The following KCNN3 variants were observed in gnomAD, a reference collection of about 807,000 sequenced individuals.
KCNN3 encodes small conductance calcium-activated potassium channel protein 3.
KCNN3 carries 16 observed loss-of-function variants against 62.9 expected under a neutral mutation model. That is an observed-to-expected ratio of 0.25 (90% CI 0.17 to 0.39). The LOEUF is 0.39. Ranked by LOEUF, KCNN3 falls within the 10% of genes least tolerant of loss-of-function variation. The pLI is 1.00. For synonymous variants in KCNN3, 370 were observed against 389.2 expected, an observed-to-expected ratio of 0.95 and a Z score of 0.58; for missense variants, 599 against 949.4, an observed-to-expected ratio of 0.63 and a Z score of 4.85.
At chr1:154,834,465 G>C (rs1206686171) in intron 1 of KCNN3, among the ~76,000 whole-genome samples, 2 of 152,326 alleles carry the variant, frequency 1.3e-5, no homozygotes, top group Admixed American at 1.3e-4. Flanking sequence ...TCCTCCATGT[G>C]GTTATTTCCT....
intron 5 of KCNN3, among the ~76,000 whole-genome samples, chr1:154,717,928 G>A (rs771301882): frequency 1.3e-5 from 2 of 152,178 alleles, no homozygotes; most frequent in Non-Finnish European, 1.5e-5. Flanking sequence ...ATTGATCTAA[G>A]CATTGTTGGG....
chr1:154,777,880 C>T (rs1357287609), intron 2 of KCNN3, among the ~76,000 whole-genome samples: 1 of 152,198 alleles, frequency 6.6e-6, no homozygotes, highest in Non-Finnish European at 1.5e-5. Context: ...GGCTGACAAA[C>T]GAGTCTCTTC....
At position 154,860,951 on chromosome 1, in the gene KCNN3, G is replaced by GTTTTT. The variant is rs761437574; in HGVS notation, c.933+8076_933+8080dup. Reference sequence around the variant, plus strand: ...CGCCCATCACTGGTGTGCCACCCAAGTTTTTTTTTTTTTTTTTTTTTGAGA... The same window carrying GTTTTT: ...CGCCCATCACTGGTGTGCCACCCAAGTTTTTTTTTTTTTTTTTTTTTTTTTTGAGA... On this transcript the variant is annotated intron_variant, in intron 1 of 7. Coordinates refer to ENST00000271915, the MANE Select transcript of KCNN3 (RefSeq NM_002249.6). Among the ~76,000 whole-genome samples, 121 of 112,028 alleles carry GTTTTT rather than the reference G, an allele frequency of 1.1e-3. 3 individuals carry two copies. The highest frequency in any genetic ancestry group is 4.5e-3 in the East Asian group (15 of 3,338). The allele number at this position is 112,028 out of a possible 152,430, so 73.5% of individuals were successfully genotyped here. A position where few individuals can be genotyped will look rare whatever the true frequency, so the allele number is the denominator to read the frequency against.
intron 2 of KCNN3, among the ~76,000 whole-genome samples, chr1:154,803,405 T>C (rs916805539): frequency 1.3e-5 from 2 of 152,228 alleles, no homozygotes. Context: ...AGGTCAGCAG[T>C]GACACCTGTC....
intron 1 of KCNN3, among the ~76,000 whole-genome samples, chr1:154,826,046 TA>T (rs1199878091): frequency 3.5e-5 from 3 of 86,190 alleles, no homozygotes; most frequent in Admixed American, 1.4e-4. Context: ...GACTCCATCT[TA>T]AAAAAAAACA....
intron 3 of KCNN3, among the ~76,000 whole-genome samples, chr1:154,761,157 A>AC (rs1393830476): frequency 6.6e-6 from 1 of 151,778 alleles, no homozygotes. Context: ...AGTAATAAAA[A>AC]ATCACATGTA....
chr1:154,777,454 G>A (rs892412722), intron 2 of KCNN3, among the ~76,000 whole-genome samples: 1 of 152,118 alleles, frequency 6.6e-6, no homozygotes, highest in Non-Finnish European at 1.5e-5. Flanking sequence ...GGAAATTCCT[G>A]TTGAAAATCC....
intron 1 of KCNN3, among the ~76,000 whole-genome samples, chr1:154,835,503 T>C (rs181184248): frequency 1.3e-3 from 195 of 152,306 alleles, no homozygotes; most frequent in African/African-American, 4.5e-3. Context: ...TTCTGCTGGA[T>C]CAAAGCAATT....
intron 2 of KCNN3, among the ~76,000 whole-genome samples, chr1:154,800,145 G>T (rs1299750281): frequency 2.6e-5 from 4 of 152,190 alleles, no homozygotes; most frequent in Admixed American, 2.6e-4. Context: ...CTGTTGTGAT[G>T]ATTCATTGGC....
chr1:154,761,246 C>G (rs530531014), intron 3 of KCNN3, among the ~76,000 whole-genome samples: 1 of 152,278 alleles, frequency 6.6e-6, no homozygotes, highest in Admixed American at 6.5e-5. Context: ...GGGCGGATCA[C>G]CTGAGACCAG....
chr1:154,725,938 A>C lies in KCNN3; in HGVS notation c.1679T>G (p.Met560Arg). The C allele has an allele frequency of 1.9e-6, 3 of 1,614,088 alleles. No individual in the cohort carries two copies. The highest frequency in any genetic ancestry group is 2.5e-6 in the Non-Finnish European group (3 of 1,179,936). Residue 560 changes from methionine to arginine, a missense_variant, in exon 5 of 8, where the codon ATG (methionine) becomes AGG (arginine). Physicochemically the swap from Met to Arg is moderately conservative, Grantham distance 91. This residue lies in a region of KCNN3 where 288 missense variants were observed against 557.4 expected (regional missense o/e 0.52). Transcript: ENST00000271915. ...KAEKHVHNFMMDTQLTKRIKN... is the reference protein window; with the variant it reads ...KAEKHVHNFMRDTQLTKRIKN... Reference sequence around the variant, plus strand: ...TACCCGCTTGGTGAGCTGAGTGTCCATCATGAAGTTATGAACGTGCTTCTC... The same window carrying C: ...TACCCGCTTGGTGAGCTGAGTGTCCCTCATGAAGTTATGAACGTGCTTCTC...
intron 2 of KCNN3, among the ~76,000 whole-genome samples, chr1:154,798,586 A>C (rs1467487352): frequency 1.3e-5 from 2 of 152,234 alleles, no homozygotes; most frequent in Non-Finnish European, 2.9e-5. Flanking sequence ...GACATTGTTT[A>C]CACTAATGTA....
At chr1:154,861,024 G>A (rs1044170734) in intron 1 of KCNN3, among the ~76,000 whole-genome samples, 23 of 140,432 alleles carry the variant, frequency 1.6e-4, no homozygotes, top group Non-Finnish European at 3.0e-4. Flanking sequence ...GCGCGATCTC[G>A]GCTCACTGCA....
rs1272765303 is a variant in KCNN3, at chr1:154,704,385, A to G, written c.*3591T>C. 1.3e-5 allele frequency: 2 copies of G among 152,248 alleles called. No homozygotes were observed. Among genetic ancestry groups the G allele is most frequent in the Non-Finnish European group, 2.9e-5 (2 of 68,048 alleles). The allele number at this position is 152,248 out of a possible 1,614,324, so 9.4% of individuals were successfully genotyped here. A position where few individuals can be genotyped will look rare whatever the true frequency, so the allele number is the denominator to read the frequency against. ...CAATTTATTGATGATGATCATATAT[A>G]TGTGGCCTTTGATCCAAAGGTGAAG... On this transcript the variant is annotated 3_prime_UTR_variant, in exon 8 of 8. Coordinates refer to ENST00000271915, the MANE Select transcript of KCNN3 (RefSeq NM_002249.6).
Position 154,698,556 on chromosome 1 carries a change from G to A in KCNN3, c.*9420C>T, listed in dbSNP as rs78693278. ...TTGAGCACAGCAATGGAAACCTGGC[G>A]ACTCTTCCTGGAGCTCTAGGGACTT... On this transcript the variant is annotated 3_prime_UTR_variant, in exon 8 of 8. Coordinates refer to ENST00000271915, the MANE Select transcript of KCNN3 (RefSeq NM_002249.6). 6.6e-5 allele frequency: 10 copies of A among 152,336 alleles called. No individual in the cohort carries two copies. In the East Asian group the frequency reaches 1.5e-3, roughly 24 times the overall value. 9.4% of individuals were successfully genotyped at this position (152,336 alleles called of 1,614,324 possible).
chr1:154,807,125 C>T (rs568344123), intron 2 of KCNN3, among the ~76,000 whole-genome samples: 68 of 152,218 alleles, frequency 4.5e-4, no homozygotes, highest in South Asian at 1.0e-3. Flanking sequence ...CCCGCAGCAA[C>T]AGACACCACA....
chr1:154,846,584 C>T (rs1234817108), intron 1 of KCNN3, among the ~76,000 whole-genome samples: 1 of 152,228 alleles, frequency 6.6e-6, no homozygotes, highest in Non-Finnish European at 1.5e-5. Flanking sequence ...GTGTACCCCT[C>T]ATTGTCTGCA....
chr1:154,750,678 G>A (rs1194290517), intron 3 of KCNN3, among the ~76,000 whole-genome samples: 3 of 152,016 alleles, frequency 2.0e-5, no homozygotes, highest in Non-Finnish European at 4.4e-5. Context: ...GTTAGGTAGG[G>A]GAGTGGGCAG....
At chr1:154,714,604 T>TGG (rs1700190823) in intron 6 of KCNN3, among the ~76,000 whole-genome samples, 7 of 27,284 alleles carry the variant, frequency 2.6e-4, no homozygotes, top group Admixed American at 4.4e-4. Flanking sequence ...GTGTGATGTG[T>TGG]GGTGTGTGGT....
Sources: allele counts gnomAD v4.1 joint callset (sites outside exome capture counted in the v4.1 genomes callset), GRCh38; gene constraint gnomAD v4.1.1; regional missense constraint gnomAD v4.1.1; transcripts MANE v1.5; gene names NCBI Gene and HGNC (gene_info 2026-07-23, HGNC 2026-07-21).